The following PTBP3 variants were observed in gnomAD, a reference collection of about 807,000 sequenced individuals.
The protein encoded by PTBP3 is polypyrimidine tract-binding protein 3.
Under a neutral mutation model 58.7 loss-of-function variants are expected in PTBP3, and 20 were observed. That is an observed-to-expected ratio of 0.34 (90% CI 0.24 to 0.50). The LOEUF is 0.50. PTBP3 is among the 20% of genes least tolerant of loss of function. PTBP3 has a pLI of 0.98. For missense variants in PTBP3, 509 were observed against 637.2 expected, an observed-to-expected ratio of 0.80 and a Z score of 2.17; for synonymous variants, 185 against 219.8, an observed-to-expected ratio of 0.84 and a Z score of 1.40.
intron 4 of PTBP3, among the ~76,000 whole-genome samples, chr9:112,262,973 C>A (rs186396234): frequency 6.6e-6 from 1 of 152,136 alleles, no homozygotes; most frequent in African/African-American, 2.4e-5. Context: ...TCAAGACAAA[C>A]TTCTAAATAT....
chr9:112,331,382 G>A (rs1830369272), intron 1 of PTBP3, among the ~76,000 whole-genome samples: 1 of 152,032 alleles, frequency 6.6e-6, no homozygotes, highest in South Asian at 2.1e-4. Context: ...AACTGTCTTC[G>A]ATTAATGTTT....
rs757305924 is a variant in PTBP3 at position 112,224,125 on chromosome 9, A to G, written c.1442+8T>C. 6.3e-7 allele frequency: 1 copy of G among 1,575,078 alleles called. No individual in the cohort carries two copies. The highest frequency in any genetic ancestry group is 2.2e-5 in the East Asian group (1 of 44,562). ...ATTTTAATGTATTTCTTGAAAGCAA[A>G]GACTTACTGAAAGAATTTAAAAGCC... On this transcript the variant is annotated splice_region_variant and intron_variant, in intron 13 of 13. Transcript: ENST00000374257.
intron 7 of PTBP3, among the ~76,000 whole-genome samples, chr9:112,243,975 C>T (rs1278419615): frequency 6.6e-6 from 1 of 152,088 alleles, no homozygotes; most frequent in Non-Finnish European, 1.5e-5. Flanking sequence ...AGACACCACA[C>T]TATGCCATGT....
At chr9:112,301,944 A>G (rs948051163) in intron 1 of PTBP3, among the ~76,000 whole-genome samples, 2 of 152,162 alleles carry the variant, frequency 1.3e-5, no homozygotes, top group African/African-American at 4.8e-5. Flanking sequence ...ATTCTCAGCC[A>G]AAGGATTCCT....
At chr9:112,248,349 G>A (rs114780807) in intron 7 of PTBP3, among the ~76,000 whole-genome samples, 1,668 of 152,208 alleles carry the variant, frequency 0.011, 32 homozygotes, top group African/African-American at 0.038. Flanking sequence ...AAGAAAAAAA[G>A]GAGAAATAAA....
intron 1 of PTBP3, among the ~76,000 whole-genome samples, chr9:112,309,163 T>C (rs1489914416): frequency 1.3e-5 from 2 of 152,158 alleles, no homozygotes; most frequent in Admixed American, 6.5e-5. Context: ...AAAGAGGCTA[T>C]CAAAAAACTA....
At chr9:112,293,039 T>C (rs1589877665) in intron 2 of PTBP3, among the ~76,000 whole-genome samples, 1 of 151,730 alleles carries the variant, frequency 6.6e-6, no homozygotes, top group South Asian at 2.1e-4. Context: ...AAATACTATA[T>C]AGAAATGAGA....
chr9:112,319,263 A>G (rs1393615960), intron 1 of PTBP3, among the ~76,000 whole-genome samples: 1 of 151,912 alleles, frequency 6.6e-6, no homozygotes, highest in Admixed American at 6.5e-5. Context: ...CACAGCCAGG[A>G]GCAGTAGCCC....
At chr9:112,270,559 A>G (rs895361235) in intron 3 of PTBP3, among the ~76,000 whole-genome samples, 3 of 152,182 alleles carry the variant, frequency 2.0e-5, no homozygotes, top group South Asian at 2.1e-4. Flanking sequence ...AATCATAATT[A>G]AGCATTCCTT....
At chr9:112,318,947 G>T (rs1446652858) in intron 1 of PTBP3, among the ~76,000 whole-genome samples, 1 of 151,858 alleles carries the variant, frequency 6.6e-6, no homozygotes, top group Admixed American at 6.6e-5. Context: ...GACCAACATG[G>T]AGAAATTCCG....
intron 1 of PTBP3, among the ~76,000 whole-genome samples, chr9:112,323,984 A>G (rs1830050858): frequency 1.3e-5 from 2 of 152,178 alleles, no homozygotes; most frequent in Admixed American, 6.5e-5. Flanking sequence ...CAAACTGAAG[A>G]AAACAAAAGA....
chr9:112,304,868 A>G (rs1829109331), intron 1 of PTBP3, among the ~76,000 whole-genome samples: 1 of 152,156 alleles, frequency 6.6e-6, no homozygotes, highest in Admixed American at 6.6e-5. Flanking sequence ...TAGATTATTA[A>G]AATTCTATAA....
chr9:112,333,548 A>G lies in PTBP3; in HGVS notation c.-130T>C. 6.5e-7 allele frequency: 1 copy of G among 1,542,038 alleles called. No homozygotes were observed. Among genetic ancestry groups the G allele is most frequent in the South Asian group, 1.2e-5 (1 of 85,278 alleles). On this transcript the variant is annotated 5_prime_UTR_variant, in exon 1 of 14. Transcript: ENST00000374257. ...GCGAGCAGAGGAAGCAGGCGGCGGC[A>G]GCAGGGCGGTTCCGGGGACAAGCGA...
chr9:112,270,579 T>A (rs1410256532), intron 3 of PTBP3, among the ~76,000 whole-genome samples: 1 of 152,226 alleles, frequency 6.6e-6, no homozygotes, highest in Admixed American at 6.5e-5. Flanking sequence ...TAAAAAGGCA[T>A]CTGAAATTCC....
At chr9:112,238,412 G>T (rs756856381) in intron 7 of PTBP3, among the ~76,000 whole-genome samples, 1 of 152,028 alleles carries the variant, frequency 6.6e-6, no homozygotes, top group Non-Finnish European at 1.5e-5. Context: ...AGCTCAGAAA[G>T]AAAAGTTAAG....
At chr9:112,312,622 G>T (rs1829537608) in intron 1 of PTBP3, among the ~76,000 whole-genome samples, 1 of 150,958 alleles carries the variant, frequency 6.6e-6, no homozygotes, top group Admixed American at 6.6e-5. Flanking sequence ...TATGAACTGG[G>T]TAAAGGATAT....
At chr9:112,243,226 A>G (rs1294775353) in intron 7 of PTBP3, among the ~76,000 whole-genome samples, 1 of 151,872 alleles carries the variant, frequency 6.6e-6, no homozygotes, top group Non-Finnish European at 1.5e-5. Context: ...TATCTTAGTT[A>G]AACAAGAAAA....
intron 4 of PTBP3, among the ~76,000 whole-genome samples, chr9:112,267,255 T>G (rs1443431228): frequency 6.7e-6 from 1 of 149,304 alleles, no homozygotes; most frequent in Non-Finnish European, 1.5e-5. Flanking sequence ...AAGCTCCGCC[T>G]CCCAGGCTCA....
Position 112,223,518 on chromosome 9 carries a change from G to A in PTBP3, c.*333C>T. On this transcript the variant is annotated 3_prime_UTR_variant, in exon 14 of 14. Transcript: ENST00000374257. ...GAGTTTAGAAATGTTGTATAAGGCTGATCTGGACCCAAACTAAAACAACGT... is the reference window on the plus strand; with the variant it reads ...GAGTTTAGAAATGTTGTATAAGGCTAATCTGGACCCAAACTAAAACAACGT... The A allele has an allele frequency of 5.3e-6, 5 of 952,268 alleles. No homozygotes were observed. Among genetic ancestry groups the A allele is most frequent in the Non-Finnish European group, 6.4e-6 (5 of 785,146 alleles). 59.0% of individuals were successfully genotyped at this position (952,268 alleles called of 1,614,324 possible).
Sources: allele counts gnomAD v4.1 joint callset (sites outside exome capture counted in the v4.1 genomes callset), GRCh38; gene constraint gnomAD v4.1.1; transcripts MANE v1.5; gene names NCBI Gene and HGNC (gene_info 2026-07-23, HGNC 2026-07-21).